The following VPS8 variants were observed in gnomAD, a reference collection of about 807,000 sequenced individuals.
VPS8 encodes the protein vacuolar protein sorting-associated protein 8 homolog.
VPS8 carries 129 observed loss-of-function variants against 216.4 expected under a neutral mutation model. The ratio of observed to expected loss-of-function variants is 0.60; its 90% confidence interval spans 0.52 to 0.69. The LOEUF (loss-of-function observed/expected upper bound fraction) is 0.69. VPS8 is among the 30% of genes least tolerant of loss of function. The pLI is 0.00. For missense variants in VPS8, 1,531 were observed against 1,683.5 expected (o/e 0.91, Z 1.59); for synonymous variants, 571 against 565.4 (o/e 1.01, Z -0.14).
chr3:184,974,429 T>A (rs910117877), intron 40 of VPS8, among the ~76,000 whole-genome samples: 12 of 152,206 alleles, frequency 7.9e-5, no homozygotes, highest in Non-Finnish European at 1.8e-4. Context: ...GCTATTGAGT[T>A]GAGTTCATTA....
rs376578179 is a variant in VPS8 at position 184,849,198 on chromosome 3, A to G, written c.666+3A>G. The G allele has an allele frequency of 5.6e-6, 9 of 1,612,400 alleles. No individual in the cohort carries two copies. Among genetic ancestry groups the G allele is most frequent in the Admixed American group, 1.7e-5 (1 of 59,814 alleles). On this transcript the variant is annotated splice_donor_region_variant and intron_variant, in intron 9 of 47. Coordinates refer to ENST00000625842, the MANE Select transcript of VPS8 (RefSeq NM_001009921.3). ...TTTGTGGCTTTGCTAAAGGACAGGTAAGATATGAACCTCCTTTAATTCATA... is the reference window on the plus strand; with the variant it reads ...TTTGTGGCTTTGCTAAAGGACAGGTGAGATATGAACCTCCTTTAATTCATA...
intron 40 of VPS8, among the ~76,000 whole-genome samples, chr3:184,972,077 CAA>C (rs56869818): frequency 1.9e-3 from 258 of 139,360 alleles, no homozygotes; most frequent in Middle Eastern, 3.6e-3. Context: ...AACTCCATCT[CAA>C]AAAAAAAAAA....
chr3:184,915,336 T>A lies in VPS8; in HGVS notation c.2263-19T>A. 1 of 1,606,724 alleles carries A rather than the reference T, an allele frequency of 6.2e-7. No individual in the cohort carries two copies. The highest frequency in any genetic ancestry group is 1.7e-5 in the Admixed American group (1 of 58,738). On this transcript the variant is annotated intron_variant, in intron 27 of 47. Transcript: ENST00000625842. Reference sequence around the variant, plus strand: ...TTGTCAGGTGAGAAAATAATCAACATTTTTTTCCCAACTTGCAGGTTTTTG... The same window carrying A: ...TTGTCAGGTGAGAAAATAATCAACAATTTTTTCCCAACTTGCAGGTTTTTG...
chr3:184,862,786 A>T, intron 15 of VPS8, 111 bp from the exon 16 acceptor site: 3 of 1,127,934 alleles, frequency 2.7e-6, no homozygotes, highest in South Asian at 1.6e-5. Context: ...TAAATTGTTA[A>T]ATGGATCAAG....
chr3:184,892,743 T>C (rs1489926344), intron 22 of VPS8, among the ~76,000 whole-genome samples: 4 of 152,360 alleles, frequency 2.6e-5, no homozygotes, highest in African/African-American at 9.6e-5. Flanking sequence ...TCACATGCTG[T>C]TTGTAAACAG....
chr3:184,917,807 T>G (rs1274799453), intron 28 of VPS8, among the ~76,000 whole-genome samples: 1 of 152,236 alleles, frequency 6.6e-6, no homozygotes, highest in African/African-American at 2.4e-5. Flanking sequence ...TTGACTCTTG[T>G]GTCTTAGTCT....
At chr3:184,977,388 T>A (rs1022862830) in intron 40 of VPS8, among the ~76,000 whole-genome samples, 7 of 152,216 alleles carry the variant, frequency 4.6e-5, no homozygotes, top group Non-Finnish European at 1.0e-4. Flanking sequence ...GTGAATATTT[T>A]CTCTCATTCT....
intron 46 of VPS8, among the ~76,000 whole-genome samples, chr3:185,034,644 T>C (rs936410693): frequency 7.3e-5 from 11 of 151,054 alleles, no homozygotes; most frequent in Non-Finnish European, 1.5e-4. Context: ...TTGTTGTTGT[T>C]CTGTGTGTAT....
chr3:184,871,960 G>C (rs1366440866), intron 21 of VPS8, among the ~76,000 whole-genome samples: 1 of 152,052 alleles, frequency 6.6e-6, no homozygotes, highest in Admixed American at 6.6e-5. Flanking sequence ...TAGAGTAACT[G>C]TTATTACTCT....
intron 45 of VPS8, among the ~76,000 whole-genome samples, chr3:185,010,749 C>T (rs1338500311): frequency 6.6e-6 from 1 of 152,100 alleles, no homozygotes. Context: ...TGCCTGTAAT[C>T]CCAGCACTTT....
At chr3:184,967,256 G>A (rs996908775) in intron 39 of VPS8, among the ~76,000 whole-genome samples, 13 of 152,110 alleles carry the variant, frequency 8.5e-5, no homozygotes, top group African/African-American at 2.9e-4. Context: ...AAGCCACCAC[G>A]CTAGGCTGGT....
intron 29 of VPS8, among the ~76,000 whole-genome samples, chr3:184,922,651 A>T (rs1411583659): frequency 6.6e-6 from 1 of 152,030 alleles, no homozygotes; most frequent in Non-Finnish European, 1.5e-5. Flanking sequence ...TGAGATTTTG[A>T]GATTATTTTT....
At chr3:184,867,388 T>C (rs1330217640) in intron 17 of VPS8, among the ~76,000 whole-genome samples, 3 of 152,184 alleles carry the variant, frequency 2.0e-5, no homozygotes, top group Admixed American at 1.3e-4. Context: ...CTCAGTTTGT[T>C]CCTGTGCTTT....
At chr3:184,886,379 T>C (rs1731230713) in intron 22 of VPS8, among the ~76,000 whole-genome samples, 1 of 152,068 alleles carries the variant, frequency 6.6e-6, no homozygotes, top group Non-Finnish European at 1.5e-5. Context: ...TGGCAGGATA[T>C]TGGAGATAAA....
intron 21 of VPS8, among the ~76,000 whole-genome samples, chr3:184,873,500 G>A (rs1728715436): frequency 6.6e-6 from 1 of 152,058 alleles, no homozygotes; most frequent in Admixed American, 6.6e-5. Context: ...GGTGGCTACT[G>A]TTACTATTCA....
intron 5 of VPS8, among the ~76,000 whole-genome samples, chr3:184,837,058 G>C (rs1469171836): frequency 6.6e-6 from 1 of 152,062 alleles, no homozygotes; most frequent in African/African-American, 2.4e-5. Context: ...TTAAATTGCA[G>C]ATTCCTGGGG....
intron 29 of VPS8, chr3:184,922,484 G>A (rs1185157119): frequency 2.2e-6 from 1 of 448,850 alleles, no homozygotes; most frequent in Admixed American, 2.4e-5. Flanking sequence ...TCAGATAAAT[G>A]TAAGTTGGTT....
intron 8 of VPS8, among the ~76,000 whole-genome samples, chr3:184,844,449 TAAG>T (rs886346476): frequency 2.0e-5 from 3 of 151,746 alleles, no homozygotes; most frequent in Non-Finnish European, 2.9e-5. Flanking sequence ...AAATAAAAAA[TAAG>T]AAAAGAATAG....
intron 35 of VPS8, among the ~76,000 whole-genome samples, chr3:184,938,626 ATTTTC>A (rs754198652): frequency 1.1e-4 from 16 of 142,876 alleles, no homozygotes; most frequent in East Asian, 4.0e-4. Context: ...CACTTGTAGG[ATTTTC>A]TTTTCTTTTC....
Sources: gnomAD v4.1 joint callset for allele counts (sites outside exome capture counted in the v4.1 genomes callset) on GRCh38, gnomAD v4.1.1 for gene constraint, MANE v1.5 for transcripts, NCBI Gene and HGNC (gene_info 2026-07-23, HGNC 2026-07-21) for gene names.